CNTN5: variants seen among roughly 807,000 people sequenced by gnomAD.
CNTN5 encodes contactin-5.
CNTN5 carries 77 observed loss-of-function variants against 129.1 expected under a neutral mutation model. The observed-to-expected ratio is 0.60, with a 90% CI of 0.50 to 0.72. The LOEUF (loss-of-function observed/expected upper bound fraction) is 0.72, where lower values mean the gene tolerates loss of function less well. Ranked by LOEUF, CNTN5 falls within the 30% of genes least tolerant of loss-of-function variation. The pLI, the probability that CNTN5 is intolerant of heterozygous loss-of-function variation, is 0.00. For missense variants in CNTN5, 1,478 were observed against 1,328.8 expected (o/e 1.11, Z -1.75); for synonymous variants, 509 against 465.6 (o/e 1.09, Z -1.20).
chr11:99,787,638 A>C (rs907872543), intron 3 of CNTN5, among the ~76,000 whole-genome samples: 1 of 152,028 alleles, frequency 6.6e-6, no homozygotes, highest in African/African-American at 2.4e-5. Context: ...ATGGTTTACA[A>C]TTGGATATTT....
intron 6 of CNTN5, among the ~76,000 whole-genome samples, chr11:99,861,468 A>C (rs1295738854): frequency 6.6e-6 from 1 of 152,212 alleles, no homozygotes; most frequent in African/African-American, 2.4e-5. Flanking sequence ...GAGAAGATGC[A>C]TGCCAACTTT....
intron 3 of CNTN5, among the ~76,000 whole-genome samples, chr11:99,582,368 G>A (rs1006386849): frequency 3.3e-5 from 5 of 152,074 alleles, no homozygotes; most frequent in Non-Finnish European, 7.4e-5. Flanking sequence ...TTTGAATGTT[G>A]GCCTGCCTTG....
intron 1 of CNTN5, among the ~76,000 whole-genome samples, chr11:99,139,622 T>G (rs1859416427): frequency 6.6e-6 from 1 of 152,232 alleles, no homozygotes; most frequent in South Asian, 2.1e-4. Context: ...ACATCTTTTC[T>G]TATTTCAATA....
intron 1 of CNTN5, among the ~76,000 whole-genome samples, chr11:99,285,376 C>A (rs2135902375): frequency 6.6e-6 from 1 of 152,174 alleles, no homozygotes. Context: ...GACTCCACTC[C>A]TTCCATCAGC....
chr11:99,190,908 C>A (rs185771996), intron 1 of CNTN5, among the ~76,000 whole-genome samples: 1 of 151,554 alleles, frequency 6.6e-6, no homozygotes, highest in Admixed American at 6.6e-5. Context: ...AATGGGCATC[C>A]TTGTCTTGTT....
At chr11:99,262,746 C>T (rs1862700754) in intron 1 of CNTN5, among the ~76,000 whole-genome samples, 1 of 151,716 alleles carries the variant, frequency 6.6e-6, no homozygotes, top group African/African-American at 2.4e-5. Flanking sequence ...AAGGGCCCCT[C>T]TTAATTAAAA....
chr11:99,712,946 G>A (rs531465922), intron 3 of CNTN5, among the ~76,000 whole-genome samples: 3 of 152,068 alleles, frequency 2.0e-5, no homozygotes, highest in Non-Finnish European at 4.4e-5. Flanking sequence ...GCTTAGGATT[G>A]TCTTGGCTAG....
Position 99,842,801 on chromosome 11 carries a change from T to A in CNTN5, c.278-2051T>A, listed in dbSNP as rs371195893. Among the ~76,000 whole-genome samples, 47 of 152,326 alleles carry A rather than the reference T, an allele frequency of 3.1e-4. 1 individual carries two copies. Among genetic ancestry groups the A allele is most frequent in the African/African-American group, 1.1e-3 (44 of 41,574 alleles). ...AACAACAAATACAAAATTTTGACAA[T>A]TTTCTCTAGTTATTTATTAAATCAT... is the stretch of plus-strand genomic sequence containing the variant. On this transcript the variant is annotated intron_variant, in intron 4 of 24. Coordinates refer to ENST00000524871, the MANE Select transcript of CNTN5 (RefSeq NM_014361.4).
chr11:99,591,199 G>C (rs1949968419), intron 3 of CNTN5, among the ~76,000 whole-genome samples: 1 of 152,036 alleles, frequency 6.6e-6, no homozygotes, highest in African/African-American at 2.4e-5. Context: ...CTGGAGGGAG[G>C]TTGGGATAGC....
rs74457835 is a variant in CNTN5, at chr11:99,223,705, G to T, written c.-209-101641G>T. The stretch of plus-strand genomic sequence containing the variant: ...CATTATTCCAGGAACTCATTCCATT[G>T]TCTGAAAACAGTAATCACCACAAAG... On this transcript the variant is annotated intron_variant, in intron 1 of 24. Transcript: ENST00000524871. Among the ~76,000 whole-genome samples the T allele has an allele frequency of 6.8e-3, 1,029 of 152,258 alleles. 9 individuals carry two copies. The highest frequency in any genetic ancestry group is 0.023 in the African/African-American group (959 of 41,556).
chr11:99,240,330 G>A (rs868823929), intron 1 of CNTN5, among the ~76,000 whole-genome samples: 56 of 152,292 alleles, frequency 3.7e-4, no homozygotes, highest in African/African-American at 1.2e-3. Flanking sequence ...GGAAAAAGTA[G>A]AGAACGGGCA....
intron 1 of CNTN5, among the ~76,000 whole-genome samples, chr11:99,055,794 A>G (rs1007132549): frequency 7.1e-4 from 108 of 152,024 alleles, no homozygotes; most frequent in Non-Finnish European, 1.0e-4. Context: ...TGTCAGAACC[A>G]GAATGAGTCT....
chr11:99,880,271 A>G (rs2135853522), intron 6 of CNTN5, among the ~76,000 whole-genome samples: 1 of 152,304 alleles, frequency 6.6e-6, no homozygotes, highest in South Asian at 2.1e-4. Context: ...TCCTCTCACA[A>G]TAAATGTTTT....
rs142758274 is a variant in CNTN5, at chr11:99,270,455, A to G, written c.-209-54891A>G. ...CTCATCAGTGGAGACCTAACCCCAA[A>G]ACCTTCGGGAACAGTATTTTTGGTC... On this transcript the variant is annotated intron_variant, in intron 1 of 24. Coordinates refer to ENST00000524871, the MANE Select transcript of CNTN5 (RefSeq NM_014361.4). 6.6e-5 allele frequency among the ~76,000 whole-genome samples: 10 copies of G among 151,854 alleles called. No homozygotes were observed. The East Asian group carries it at 1.9e-3, about 30-fold the overall frequency.
intron 1 of CNTN5, among the ~76,000 whole-genome samples, chr11:99,176,526 G>T (rs1310007131): frequency 6.6e-6 from 1 of 152,088 alleles, no homozygotes; most frequent in Non-Finnish European, 1.5e-5. Flanking sequence ...ATCTCCTCCT[G>T]TTAGACTTCC....
chr11:99,358,635 A>G (rs1214451001), intron 2 of CNTN5, among the ~76,000 whole-genome samples: 2 of 152,144 alleles, frequency 1.3e-5, no homozygotes, highest in Non-Finnish European at 2.9e-5. Context: ...AACATGAGAC[A>G]CCAATAAACT....
intron 18 of CNTN5, among the ~76,000 whole-genome samples, chr11:100,291,550 T>G (rs1298786775): frequency 2.7e-5 from 4 of 150,854 alleles, no homozygotes; most frequent in Non-Finnish European, 1.5e-5. Flanking sequence ...TAGGTGGGAA[T>G]TGAACAATGA....
At position 99,660,930 on chromosome 11, in the gene CNTN5, CAGG is replaced by C. The variant is rs565500873; in HGVS notation, c.55+104665_55+104667del. Among the ~76,000 whole-genome samples, 15 of 151,936 alleles carry C rather than the reference CAGG, an allele frequency of 9.9e-5. No individual in the cohort carries two copies. In the South Asian group the frequency reaches 3.1e-3, roughly 32 times the overall value. On this transcript the variant is annotated intron_variant, in intron 3 of 24. Transcript: ENST00000524871. ...TTAGATAATTAATTTCACTGCCAAACAGGAGGGTTGAAAATCACTTTACTAGCA... is the reference window on the plus strand; with the variant it reads ...TTAGATAATTAATTTCACTGCCAAACAGGGTTGAAAATCACTTTACTAGCA...
rs574664772 is a variant in CNTN5, at chr11:99,641,767, G to A, written c.55+85498G>A. ...AAACCTGGGCAGATCTGATCTCATG[G>A]TCAGCTTAGCTTCCCTCCCTTTGCC... is the stretch of plus-strand genomic sequence containing the variant. On this transcript the variant is annotated intron_variant, in intron 3 of 24. Transcript: ENST00000524871. Among the ~76,000 whole-genome samples, 4 of 152,244 alleles carry A rather than the reference G, an allele frequency of 2.6e-5. 1 individual carries two copies. In the South Asian group the frequency reaches 8.3e-4, roughly 32 times the overall value.
Sources: gnomAD v4.1 joint callset for allele counts (sites outside exome capture counted in the v4.1 genomes callset) on GRCh38, gnomAD v4.1.1 for gene constraint, MANE v1.5 for transcripts, NCBI Gene and HGNC (gene_info 2026-07-23, HGNC 2026-07-21) for gene names.